The following ROR1 variants were observed in gnomAD, a reference collection of about 807,000 sequenced individuals.
ROR1 encodes ROR family WNT receptor 1.
A neutral mutation model predicts 78.8 loss-of-function variants in ROR1; 19 were observed. The observed-to-expected ratio is 0.24, with a 90% CI of 0.17 to 0.35. ROR1 has a LOEUF of 0.35. ROR1 is among the 10% of genes least tolerant of loss of function. ROR1 has a pLI of 1.00. For missense variants in ROR1, 917 were observed against 1,177.8 expected (o/e 0.78, Z 3.24); for synonymous variants, 386 against 433.6 (o/e 0.89, Z 1.36).
intron 1 of ROR1, among the ~76,000 whole-genome samples, chr1:63,785,505 A>ATATATATATATATAT (rs1557495029): frequency 1.5e-5 from 1 of 68,358 alleles, no homozygotes; most frequent in African/African-American, 2.9e-4. Flanking sequence ...TATTTTATTT[A>ATATATATATATATAT]TTTATTTATT....
chr1:63,810,228 T>G (rs1316029481), intron 1 of ROR1, among the ~76,000 whole-genome samples: 1 of 152,226 alleles, frequency 6.6e-6, no homozygotes, highest in South Asian at 2.1e-4. Context: ...TGGGTTGATT[T>G]GGGGGAGGAA....
chr1:63,886,168 T>C (rs1398293439), intron 1 of ROR1, among the ~76,000 whole-genome samples: 3 of 152,128 alleles, frequency 2.0e-5, no homozygotes, highest in Non-Finnish European at 4.4e-5. Flanking sequence ...TGACAGGAAG[T>C]GGAGCTCAGG....
intron 4 of ROR1, among the ~76,000 whole-genome samples, chr1:64,088,870 C>A (rs1000839722): frequency 3.9e-5 from 6 of 152,160 alleles, no homozygotes; most frequent in Non-Finnish European, 8.8e-5. Context: ...GAATATAATT[C>A]TTGTGGGAGA....
chr1:63,838,337 G>A (rs1645030906), intron 1 of ROR1, among the ~76,000 whole-genome samples: 1 of 151,892 alleles, frequency 6.6e-6, no homozygotes, highest in African/African-American at 2.4e-5. Flanking sequence ...AGAAGGCATT[G>A]TTATCATAGC....
At chr1:63,785,445 G>T (rs555454002) in intron 1 of ROR1, among the ~76,000 whole-genome samples, 1 of 151,922 alleles carries the variant, frequency 6.6e-6, no homozygotes, top group Non-Finnish European at 1.5e-5. Context: ...GCCTGTTGGA[G>T]ACCAGTGGTG....
At chr1:64,056,687 A>C (rs914798203) in intron 4 of ROR1, among the ~76,000 whole-genome samples, 19 of 151,942 alleles carry the variant, frequency 1.3e-4, no homozygotes, top group Admixed American at 9.8e-4. Flanking sequence ...AAAAAAAAAA[A>C]AAACAAACAT....
intron 2 of ROR1, among the ~76,000 whole-genome samples, chr1:64,026,000 C>T (rs1338933747): frequency 2.6e-5 from 4 of 152,144 alleles, no homozygotes; most frequent in Non-Finnish European, 4.4e-5. Flanking sequence ...ACCTGTTCCC[C>T]CAAAAGGTAT....
chr1:64,125,313 A>G (rs1648673928), intron 4 of ROR1, among the ~76,000 whole-genome samples: 2 of 152,174 alleles, frequency 1.3e-5, no homozygotes, highest in Non-Finnish European at 2.9e-5. Context: ...TGCCTAAGAG[A>G]TGTATTTTGT....
intron 2 of ROR1, among the ~76,000 whole-genome samples, chr1:64,014,740 CTATATATATATATATATATATA>C (rs1208813882): frequency 1.0e-4 from 3 of 29,058 alleles, no homozygotes; most frequent in African/African-American, 2.2e-4. Flanking sequence ...CATACGCACA[CTATATATATATATATATATATA>C]TATATATATA....
intron 1 of ROR1, among the ~76,000 whole-genome samples, chr1:63,818,170 C>T (rs1184829598): frequency 6.6e-6 from 1 of 152,136 alleles, no homozygotes; most frequent in African/African-American, 2.4e-5. Flanking sequence ...TGGAAAGATT[C>T]TTACTCTTCT....
chr1:63,866,146 G>T (rs1356711641), intron 1 of ROR1, among the ~76,000 whole-genome samples: 1 of 152,028 alleles, frequency 6.6e-6, no homozygotes, highest in South Asian at 2.1e-4. Flanking sequence ...GTGCTGTTTG[G>T]CAGTCTTCTC....
At chr1:63,931,420 G>T (rs1021662821) in intron 1 of ROR1, among the ~76,000 whole-genome samples, 1 of 152,128 alleles carries the variant, frequency 6.6e-6, no homozygotes, top group Non-Finnish European at 1.5e-5. Flanking sequence ...CTGTGGCAGT[G>T]GGCCAGTGAC....
intron 1 of ROR1, among the ~76,000 whole-genome samples, chr1:63,931,542 A>C (rs941191268): frequency 6.6e-6 from 1 of 152,230 alleles, no homozygotes; most frequent in Non-Finnish European, 1.5e-5. Flanking sequence ...GGAAGATTCC[A>C]GAAATAAACA....
At chr1:63,830,390 T>G (rs1644980299) in intron 1 of ROR1, among the ~76,000 whole-genome samples, 1 of 152,132 alleles carries the variant, frequency 6.6e-6, no homozygotes, top group Non-Finnish European at 1.5e-5. Flanking sequence ...GACTCAGACT[T>G]CTGCATGGCT....
chr1:63,886,630 A>G (rs1443557879), intron 1 of ROR1, among the ~76,000 whole-genome samples: 1 of 152,192 alleles, frequency 6.6e-6, no homozygotes, highest in African/African-American at 2.4e-5. Context: ...AGGTCTCTGC[A>G]TCTTCTCCTT....
rs139544823 is a variant in ROR1 at position 63,991,870 on chromosome 1, C to G, written c.92-17435C>G. 1.9e-3 allele frequency among the ~76,000 whole-genome samples: 291 copies of G among 152,280 alleles called. 2 individuals carry two copies. The highest frequency in any genetic ancestry group is 3.1e-3 in the Non-Finnish European group (212 of 68,020). On this transcript the variant is annotated intron_variant, in intron 1 of 8. Transcript: ENST00000371079. ...ATGTGGTTGTCATGAAATGCAATGACCCTTCTCTCTTCTGTCACCTGTCTC... is the reference window on the plus strand; with the variant it reads ...ATGTGGTTGTCATGAAATGCAATGAGCCTTCTCTCTTCTGTCACCTGTCTC...
At chr1:64,070,322 G>C (rs1360662093) in intron 4 of ROR1, among the ~76,000 whole-genome samples, 1 of 151,976 alleles carries the variant, frequency 6.6e-6, no homozygotes, top group Non-Finnish European at 1.5e-5. Context: ...CCACCTTTAA[G>C]CTTCAGTTTT....
At chr1:64,162,763 A>G (rs1649981381) in intron 8 of ROR1, among the ~76,000 whole-genome samples, 2 of 152,176 alleles carry the variant, frequency 1.3e-5, no homozygotes, top group Non-Finnish European at 2.9e-5. Context: ...TGCATTACAA[A>G]TTTTACAATC....
chr1:63,832,275 T>G (rs1644993092), intron 1 of ROR1, among the ~76,000 whole-genome samples: 1 of 152,250 alleles, frequency 6.6e-6, no homozygotes, highest in African/African-American at 2.4e-5. Flanking sequence ...CATTTTCAGA[T>G]ATCTCTATAG....
Sources: gnomAD v4.1 joint callset for allele counts (sites outside exome capture counted in the v4.1 genomes callset) on GRCh38, gnomAD v4.1.1 for gene constraint, MANE v1.5 for transcripts, NCBI Gene and HGNC (gene_info 2026-07-23, HGNC 2026-07-21) for gene names.